The following GNAQ variants were observed in gnomAD, a reference collection of about 807,000 sequenced individuals.
The protein encoded by GNAQ is G protein subunit alpha q.
GNAQ carries 8 observed loss-of-function variants against 43.9 expected under a neutral mutation model. That is an observed-to-expected ratio of 0.18 (90% CI 0.11 to 0.33). The LOEUF (loss-of-function observed/expected upper bound fraction) is 0.33. Ranked by LOEUF, GNAQ falls within the 10% of genes least tolerant of loss-of-function variation. The pLI, the probability that GNAQ is intolerant of heterozygous loss-of-function variation, is 1.00. For synonymous variants in GNAQ, 155 were observed against 170.7 expected (o/e 0.91, Z 0.71); for missense variants, 158 against 450.8 (o/e 0.35, Z 5.88).
At chr9:77,764,746 C>T (rs1282740671) in intron 5 of GNAQ, among the ~76,000 whole-genome samples, 5 of 152,096 alleles carry the variant, frequency 3.3e-5, no homozygotes, top group East Asian at 3.9e-4. Flanking sequence ...TGAGCCACCG[C>T]GCCCAGCCGA....
intron 2 of GNAQ, among the ~76,000 whole-genome samples, chr9:77,838,242 C>T (rs1367135708): frequency 1.4e-5 from 2 of 145,484 alleles, no homozygotes; most frequent in South Asian, 2.2e-4. Context: ...CTCCTGGGTT[C>T]AAGTGTTTCT....
chr9:77,998,453 T>C (rs1026013664), intron 1 of GNAQ, among the ~76,000 whole-genome samples: 3 of 152,230 alleles, frequency 2.0e-5, no homozygotes, highest in African/African-American at 7.2e-5. Context: ...CTCCAGTTCT[T>C]ATGCAAGAAA....
At chr9:77,845,416 C>T (rs1291062315) in intron 2 of GNAQ, among the ~76,000 whole-genome samples, 1 of 152,008 alleles carries the variant, frequency 6.6e-6, no homozygotes, top group Admixed American at 6.6e-5. Flanking sequence ...ATCTATCTGG[C>T]ATCAAGAAAA....
chr9:77,971,478 C>T (rs918916129), intron 1 of GNAQ, among the ~76,000 whole-genome samples: 4 of 152,142 alleles, frequency 2.6e-5, no homozygotes, highest in African/African-American at 4.8e-5. Flanking sequence ...GTTCAACATA[C>T]GCAAATCAAT....
chr9:77,848,251 G>A (rs1042834317), intron 2 of GNAQ, among the ~76,000 whole-genome samples: 1 of 152,146 alleles, frequency 6.6e-6, no homozygotes, highest in Non-Finnish European at 1.5e-5. Context: ...TTCCCCCTCA[G>A]TAAAGTTGAA....
intron 1 of GNAQ, among the ~76,000 whole-genome samples, chr9:77,984,999 C>T (rs768838351): frequency 1.8e-4 from 28 of 152,194 alleles, no homozygotes; most frequent in Middle Eastern, 3.4e-3. Context: ...TACACTAGTT[C>T]CCCCTACATG....
intron 5 of GNAQ, among the ~76,000 whole-genome samples, chr9:77,790,732 T>C (rs1357516377): frequency 6.6e-6 from 1 of 152,200 alleles, no homozygotes; most frequent in African/African-American, 2.4e-5. Flanking sequence ...GAAGACACTA[T>C]GAGGGAAGGG....
chr9:77,964,348 A>C lies in GNAQ; in HGVS notation c.137-42003T>G, dbSNP rs1823141136. ...TCAGAGATTTTAATACCCCTTTCTCAATACTTAATAGATCAAGTAGAGAGA... is the reference window on the plus strand; with the variant it reads ...TCAGAGATTTTAATACCCCTTTCTCCATACTTAATAGATCAAGTAGAGAGA... On this transcript the variant is annotated intron_variant, in intron 1 of 6. Coordinates refer to ENST00000286548, the MANE Select transcript of GNAQ (RefSeq NM_002072.5). 1.3e-5 allele frequency among the ~76,000 whole-genome samples: 2 copies of C among 152,200 alleles called. 1 individual carries two copies. Among genetic ancestry groups the C allele is most frequent in the South Asian group, 4.1e-4 (2 of 4,834 alleles).
intron 5 of GNAQ, among the ~76,000 whole-genome samples, chr9:77,777,703 A>T (rs1476327384): frequency 6.6e-6 from 1 of 152,104 alleles, no homozygotes; most frequent in Non-Finnish European, 1.5e-5. Context: ...AAGAAGAGAT[A>T]CAAATGCCTA....
chr9:77,739,606 T>C (rs1294800678), intron 5 of GNAQ, among the ~76,000 whole-genome samples: 1 of 152,236 alleles, frequency 6.6e-6, no homozygotes, highest in Non-Finnish European at 1.5e-5. Flanking sequence ...AAATCAAATG[T>C]CAGTTTCCCA....
At chr9:77,791,605 G>C (rs1826575795) in intron 5 of GNAQ, among the ~76,000 whole-genome samples, 1 of 152,084 alleles carries the variant, frequency 6.6e-6, no homozygotes, top group Non-Finnish European at 1.5e-5. Flanking sequence ...CCAAACAATA[G>C]AAAGGCTGAG....
intron 1 of GNAQ, among the ~76,000 whole-genome samples, chr9:77,978,704 CT>C (rs1489975683): frequency 6.6e-6 from 1 of 152,172 alleles, no homozygotes; most frequent in Non-Finnish European, 1.5e-5. Context: ...AATGGGTTCT[CT>C]TTTCTTACAC....
intron 2 of GNAQ, among the ~76,000 whole-genome samples, chr9:77,828,118 G>A (rs1315308876): frequency 7.6e-6 from 1 of 132,404 alleles, no homozygotes; most frequent in African/African-American, 2.8e-5. Context: ...AACAGAGCTG[G>A]TATGGTGGTA....
chr9:77,814,610 T>C (rs775377397), intron 3 of GNAQ, among the ~76,000 whole-genome samples: 1 of 152,194 alleles, frequency 6.6e-6, no homozygotes, highest in Non-Finnish European at 1.5e-5. Flanking sequence ...ATGACAATTT[T>C]ACTGAAAAAA....
At chr9:77,795,417 C>T (rs532361441) in intron 4 of GNAQ, among the ~76,000 whole-genome samples, 15 of 152,122 alleles carry the variant, frequency 9.9e-5, no homozygotes, top group South Asian at 8.3e-4. Context: ...TTGTTGAATC[C>T]GTATCTTGAA....
At chr9:77,722,428 T>C (rs1157004215) in intron 6 of GNAQ, among the ~76,000 whole-genome samples, 1 of 151,964 alleles carries the variant, frequency 6.6e-6, no homozygotes, top group Admixed American at 6.5e-5. Flanking sequence ...TGAGCCACTG[T>C]GCCCAACCTA....
At chr9:77,969,317 C>G (rs2118451550) in intron 1 of GNAQ, among the ~76,000 whole-genome samples, 1 of 152,288 alleles carries the variant, frequency 6.6e-6, no homozygotes, top group African/African-American at 2.4e-5. Flanking sequence ...ATCCAGCGCC[C>G]TAAAGCATCA....
chr9:77,923,427 A>C (rs1372294715), intron 1 of GNAQ, among the ~76,000 whole-genome samples: 2 of 152,186 alleles, frequency 1.3e-5, no homozygotes, highest in African/African-American at 4.8e-5. Context: ...GTAACCCCTA[A>C]CAGAGCTATA....
chr9:77,900,997 T>C (rs1587396913), intron 2 of GNAQ, among the ~76,000 whole-genome samples: 1 of 152,186 alleles, frequency 6.6e-6, no homozygotes, highest in Non-Finnish European at 1.5e-5. Context: ...CTCGGTTCTC[T>C]CCTGAAGTTA....
Sources: allele counts gnomAD v4.1 joint callset (sites outside exome capture counted in the v4.1 genomes callset), GRCh38; gene constraint gnomAD v4.1.1; transcripts MANE v1.5; gene names NCBI Gene and HGNC (gene_info 2026-07-23, HGNC 2026-07-21).